PCDH15: variants seen among roughly 807,000 people sequenced by gnomAD.
PCDH15 encodes protocadherin-15.
Under a neutral mutation model 178.5 loss-of-function variants are expected in PCDH15, and 129 were observed. The observed-to-expected ratio is 0.72, with a 90% CI of 0.63 to 0.84. The LOEUF is 0.84. PCDH15 is among the 40% of genes least tolerant of loss of function. The pLI is 0.00. For missense variants in PCDH15, 2,230 were observed against 2,099.9 expected (o/e 1.06, Z -1.21); for synonymous variants, 800 against 732.0 (o/e 1.09, Z -1.50).
intron 2 of PCDH15, among the ~76,000 whole-genome samples, chr10:55,498,460 C>T (rs1327973909): frequency 6.6e-6 from 1 of 151,868 alleles, no homozygotes; most frequent in East Asian, 1.9e-4. Flanking sequence ...AAGTGACCTA[C>T]TTTTCATCAA....
chr10:54,359,685 C>G (rs2185750), intron 5 of PCDH15, among the ~76,000 whole-genome samples: 17,409 of 151,802 alleles, frequency 0.11, 1,757 homozygotes, highest in African/African-American at 0.28. Flanking sequence ...TAGAATGAAA[C>G]AGAGTAAACA....
chr10:54,527,937 A>C (rs916949488), intron 2 of PCDH15, 60 bp from the exon 3 acceptor site: 17 of 1,314,624 alleles, frequency 1.3e-5, no homozygotes, highest in Non-Finnish European at 1.9e-5. Context: ...CAATGAGAAA[A>C]AAATTCATTG....
intron 16 of PCDH15, among the ~76,000 whole-genome samples, chr10:54,087,045 C>T (rs1478672106): frequency 6.6e-6 from 1 of 152,144 alleles, no homozygotes; most frequent in Non-Finnish European, 1.5e-5. Flanking sequence ...TGAAAAATCT[C>T]TTGGCATCAA....
intron 1 of PCDH15, among the ~76,000 whole-genome samples, chr10:55,233,624 C>T (rs1013314816): frequency 2.0e-5 from 3 of 151,722 alleles, no homozygotes; most frequent in Admixed American, 6.6e-5. Context: ...TAACAATCTA[C>T]CAGATTTGTG....
At chr10:55,587,458 A>C (rs1176831195) in intron 2 of PCDH15, among the ~76,000 whole-genome samples, 2 of 151,980 alleles carry the variant, frequency 1.3e-5, no homozygotes, top group Non-Finnish European at 2.9e-5. Flanking sequence ...CCCTTCTATG[A>C]GTGTTTCCAT....
intron 2 of PCDH15, among the ~76,000 whole-genome samples, chr10:54,552,618 T>C (rs1371450751): frequency 2.0e-5 from 3 of 152,132 alleles, no homozygotes; most frequent in African/African-American, 4.8e-5. Context: ...AAAAAATGTA[T>C]AATATGCAAG....
intron 23 of PCDH15, among the ~76,000 whole-genome samples, chr10:53,948,902 TAATAA>T (rs1200094681): frequency 3.3e-5 from 5 of 152,236 alleles, no homozygotes; most frequent in Non-Finnish European, 5.9e-5. Flanking sequence ...CATTGATTAC[TAATAA>T]AATAAAATTA....
At chr10:54,955,323 GT>G (rs1480864107) in intron 2 of PCDH15, among the ~76,000 whole-genome samples, 1 of 151,148 alleles carries the variant, frequency 6.6e-6, no homozygotes, top group African/African-American at 2.4e-5. Context: ...TCTGTAAATT[GT>G]ACCAATGTTT....
intron 2 of PCDH15, among the ~76,000 whole-genome samples, chr10:55,379,804 C>A (rs1837488908): frequency 2.6e-5 from 4 of 151,798 alleles, no homozygotes; most frequent in Admixed American, 2.6e-4. Context: ...TTGTTTACTA[C>A]AGGGAAAAAA....
chr10:54,216,797 T>C (rs1263056531), intron 9 of PCDH15, among the ~76,000 whole-genome samples: 1 of 152,126 alleles, frequency 6.6e-6, no homozygotes, highest in African/African-American at 2.4e-5. Flanking sequence ...ATCTGGACAT[T>C]TTCCCATTTA....
At chr10:53,874,102 GTA>G (rs1336224411) in intron 26 of PCDH15, among the ~76,000 whole-genome samples, 4 of 152,084 alleles carry the variant, frequency 2.6e-5, no homozygotes, top group Admixed American at 2.6e-4. Flanking sequence ...AAAAACCATA[GTA>G]CTGATGGGAG....
chr10:55,553,952 C>A (rs1391462991), intron 2 of PCDH15, among the ~76,000 whole-genome samples: 1 of 151,870 alleles, frequency 6.6e-6, no homozygotes, highest in East Asian at 1.9e-4. Context: ...CTAGGAAGAA[C>A]CAGAACCAAG....
intron 15 of PCDH15, among the ~76,000 whole-genome samples, chr10:54,093,913 A>G (rs140722520): frequency 1.3e-5 from 2 of 152,276 alleles, no homozygotes; most frequent in East Asian, 1.9e-4. Context: ...AGAGATATAA[A>G]TTGCTTCTTT....
chr10:54,506,195 G>T (rs2081149345), intron 3 of PCDH15, among the ~76,000 whole-genome samples: 1 of 151,920 alleles, frequency 6.6e-6, no homozygotes, highest in South Asian at 2.1e-4. Flanking sequence ...TCACATCTGA[G>T]CCACTTGGAA....
intron 21 of PCDH15, among the ~76,000 whole-genome samples, chr10:53,973,670 GAGGTC>G (rs1357253922): frequency 6.6e-6 from 1 of 151,970 alleles, no homozygotes. Flanking sequence ...GAAAAATCTT[GAGGTC>G]ATTAGTTATT....
intron 1 of PCDH15, among the ~76,000 whole-genome samples, chr10:55,238,243 A>G (rs12354580): frequency 0.13 from 17,894 of 141,640 alleles, 1,221 homozygotes; most frequent in Middle Eastern, 0.24. Flanking sequence ...TCTGCCTCCC[A>G]GGTTCACGCC....
chr10:55,157,266 C>T (rs1054153741), intron 2 of PCDH15, among the ~76,000 whole-genome samples: 14 of 151,656 alleles, frequency 9.2e-5, no homozygotes, highest in Non-Finnish European at 1.8e-4. Flanking sequence ...TACCATCTCA[C>T]ACCAGTTAGA....
intron 1 of PCDH15, among the ~76,000 whole-genome samples, chr10:54,784,571 T>C (rs1380486098): frequency 6.6e-6 from 1 of 152,014 alleles, no homozygotes; most frequent in African/African-American, 2.4e-5. Context: ...GAGAATCAAT[T>C]CATCACCACT....
At chr10:55,349,319 A>G (rs1168772354) in intron 2 of PCDH15, among the ~76,000 whole-genome samples, 5 of 152,170 alleles carry the variant, frequency 3.3e-5, no homozygotes, top group Admixed American at 3.3e-4. Context: ...ACCAATGTTC[A>G]TAGCTAAACA....
Sources: gnomAD v4.1 joint callset for allele counts (sites outside exome capture counted in the v4.1 genomes callset) on GRCh38, gnomAD v4.1.1 for gene constraint, MANE v1.5 for transcripts, NCBI Gene and HGNC (gene_info 2026-07-23, HGNC 2026-07-21) for gene names.